MCPH1: variants seen among roughly 807,000 people sequenced by gnomAD.
MCPH1 encodes the protein microcephalin.
MCPH1 carries 104 observed loss-of-function variants against 84.5 expected under a neutral mutation model. The observed-to-expected ratio is 1.23, with a 90% CI of 1.05 to 1.45. MCPH1 has a LOEUF of 1.45. Ranked by LOEUF, MCPH1 falls within the 40% of genes most tolerant of loss-of-function variation. MCPH1 has a pLI of 0.00. For synonymous variants in MCPH1, 514 were observed against 366.8 expected (o/e 1.40, Z -4.58); for missense variants, 1,498 against 1,005.7 (o/e 1.49, Z -6.62).
chr8:6,431,472 T>G (rs376596127), intron 3 of MCPH1, 27 bp from the exon 4 acceptor site: 16 of 1,569,522 alleles, frequency 1.0e-5, no homozygotes, highest in Non-Finnish European at 1.3e-5. Context: ...CAAATACTCA[T>G]TAGACTACCT....
chr8:6,445,482 T>C lies in MCPH1; in HGVS notation c.1760T>C (p.Ile587Thr), dbSNP rs1804203856. 2 of 1,614,040 alleles carry C rather than the reference T, an allele frequency of 1.2e-6. No individual in the cohort carries two copies. The highest frequency in any genetic ancestry group is 1.7e-6 in the Non-Finnish European group (2 of 1,180,024). Residue 587 changes from isoleucine (I) to threonine (T), a missense_variant, in exon 8 of 14, where the codon ATA becomes ACA. Ile to Thr is a moderately conservative substitution (Grantham distance 89). Transcript: ENST00000344683. ...CAGAGTGAACATGAGCCATGTTTTA[T>C]AGTTGACTGTAACATGGAGACGTCT... is the stretch of plus-strand genomic sequence containing the variant. Reference protein sequence around the residue: ...EAQSEHEPCFIVDCNMETSTE... With the variant: ...EAQSEHEPCFTVDCNMETSTE...
chr8:6,579,911 G>A (rs572784273), intron 12 of MCPH1, among the ~76,000 whole-genome samples: 15 of 152,292 alleles, frequency 9.8e-5, no homozygotes, highest in African/African-American at 3.4e-4. Flanking sequence ...GCCTGGCGAG[G>A]TGTTACTTTG....
intron 12 of MCPH1, among the ~76,000 whole-genome samples, chr8:6,526,939 A>G (rs1223137709): frequency 6.6e-6 from 1 of 152,110 alleles, no homozygotes; most frequent in Non-Finnish European, 1.5e-5. Context: ...TATTAATATA[A>G]TCATGTTTAA....
chr8:6,526,732 G>T lies in MCPH1; in HGVS notation c.2214+26803G>T, dbSNP rs2959816. Among the ~76,000 whole-genome samples, 1,362 of 152,174 alleles carry T rather than the reference G, an allele frequency of 9.0e-3. 23 individuals are homozygous for T. Among genetic ancestry groups the T allele is most frequent in the African/African-American group, 0.031 (1,267 of 41,520 alleles). Reference sequence around the variant, plus strand: ...AAAGAATTATTTAAATTGTGAAATAGGATATATTGTTATAGCCATGTTCCA... The same window carrying T: ...AAAGAATTATTTAAATTGTGAAATATGATATATTGTTATAGCCATGTTCCA... On this transcript the variant is annotated intron_variant, in intron 12 of 13. Coordinates refer to ENST00000344683, the MANE Select transcript of MCPH1 (RefSeq NM_024596.5).
intron 3 of MCPH1, among the ~76,000 whole-genome samples, chr8:6,423,185 CTTTTCTTTTT>C (rs1206855197): frequency 7.2e-5 from 8 of 110,802 alleles, no homozygotes; most frequent in East Asian, 4.8e-4. Flanking sequence ...TTTTTCTTTT[CTTTTCTTTTT>C]TTTTTTTTTT....
Position 6,444,834 on chromosome 8 carries a change from G to T in MCPH1, c.1112G>T (p.Cys371Phe), listed in dbSNP as rs372091056. ...HGSHSPPKEK[C>F]KRKRSTRRSI... The stretch of plus-strand genomic sequence containing the variant: ...TCCCATTCACCTCCGAAGGAAAAAT[G>T]CAAGAGAAAGAGGAGCACCAGGAGA... Residue 371 changes from cysteine to phenylalanine, a missense_variant, in exon 8 of 14, where the codon TGC becomes TTC. Cys to Phe is a radical substitution (Grantham distance 205). Coordinates refer to ENST00000344683, the MANE Select transcript of MCPH1 (RefSeq NM_024596.5). 2 of 1,614,154 alleles carry T rather than the reference G, an allele frequency of 1.2e-6. No individual in the cohort carries two copies. The highest frequency in any genetic ancestry group is 1.3e-5 in the African/African-American group (1 of 75,050).
chr8:6,447,245 C>T, intron 8 of MCPH1: 10 of 985,388 alleles, frequency 1.0e-5, no homozygotes, highest in Non-Finnish European at 1.2e-5. Flanking sequence ...AACCAACTCT[C>T]TTTGGGAATC....
At chr8:6,590,294 G>A (rs1828352731) in intron 12 of MCPH1, among the ~76,000 whole-genome samples, 2 of 152,224 alleles carry the variant, frequency 1.3e-5, no homozygotes, top group African/African-American at 2.4e-5. Flanking sequence ...TGAGGATGGA[G>A]TGGAGGGAAT....
chr8:6,597,705 T>G (rs1402336944), intron 12 of MCPH1, among the ~76,000 whole-genome samples: 2 of 152,182 alleles, frequency 1.3e-5, no homozygotes, highest in Non-Finnish European at 2.9e-5. Flanking sequence ...TCTTCGTCTC[T>G]GGGAACATTT....
chr8:6,622,631 C>G (rs1463072958), intron 13 of MCPH1, among the ~76,000 whole-genome samples: 1 of 152,192 alleles, frequency 6.6e-6, no homozygotes, highest in African/African-American at 2.4e-5. Context: ...GTTCTGGAGG[C>G]TGGAAGTCTA....
At position 6,592,614 on chromosome 8, in the gene MCPH1, C is replaced by CTTTTTTTTTTTTTTTTTT. The variant is rs1252024553; in HGVS notation, c.2215-28832_2215-28831insTTTTTTTTTTTTTTTTTT. On this transcript the variant is annotated intron_variant, in intron 12 of 13. Transcript: ENST00000344683. ...GTCATCTAGGCTCTCGTTTTTCTTT[C>CTTTTTTTTTTTTTTTTTT]TTTTTTTTGTTTTTTTTTTTTTTTT... 2.1e-4 allele frequency among the ~76,000 whole-genome samples: 14 copies of CTTTTTTTTTTTTTTTTTT among 65,518 alleles called. 1 individual carries two copies. The highest frequency in any genetic ancestry group is 2.4e-4 in the Non-Finnish European group (8 of 32,988). The allele number at this position is 65,518 out of a possible 152,430, so 43.0% of individuals were successfully genotyped here.
intron 12 of MCPH1, among the ~76,000 whole-genome samples, chr8:6,512,332 C>T (rs920732825): frequency 1.3e-5 from 2 of 152,172 alleles, no homozygotes; most frequent in African/African-American, 4.8e-5. Context: ...TGCTCAAGGA[C>T]TTTAACATTG....
intron 9 of MCPH1, among the ~76,000 whole-genome samples, chr8:6,459,685 G>C (rs1037329203): frequency 5.3e-5 from 8 of 152,216 alleles, no homozygotes; most frequent in Admixed American, 5.2e-4. Context: ...TGAGGAAAAT[G>C]ATTTGAAACT....
At chr8:6,433,976 A>T (rs1802262077) in intron 4 of MCPH1, among the ~76,000 whole-genome samples, 1 of 151,974 alleles carries the variant, frequency 6.6e-6, no homozygotes, top group Non-Finnish European at 1.5e-5. Flanking sequence ...CTCTGTCTGG[A>T]ACATTCTTCC....
chr8:6,420,662 C>T (rs1036095101), intron 3 of MCPH1, among the ~76,000 whole-genome samples: 3 of 152,090 alleles, frequency 2.0e-5, no homozygotes, highest in African/African-American at 7.2e-5. Flanking sequence ...AGATCTTTAT[C>T]TCTGCTGTTA....
intron 3 of MCPH1, among the ~76,000 whole-genome samples, chr8:6,430,411 G>A (rs1275856723): frequency 2.0e-5 from 3 of 152,200 alleles, no homozygotes; most frequent in East Asian, 3.8e-4. Context: ...TCACACGTTA[G>A]TGTTGTTATA....
intron 11 of MCPH1, among the ~76,000 whole-genome samples, chr8:6,493,215 C>T (rs907143730): frequency 6.6e-6 from 1 of 152,168 alleles, no homozygotes; most frequent in Admixed American, 6.5e-5. Flanking sequence ...CTGGTCATTG[C>T]TTAGCTGTAT....
chr8:6,503,814 A>G (rs1218379786), intron 12 of MCPH1, among the ~76,000 whole-genome samples: 4 of 152,212 alleles, frequency 2.6e-5, no homozygotes, highest in Non-Finnish European at 5.9e-5. Context: ...AGCTAAAGCC[A>G]GGGCAGGAGA....
At chr8:6,415,915 T>A (rs1220761270) in intron 3 of MCPH1, among the ~76,000 whole-genome samples, 1 of 152,170 alleles carries the variant, frequency 6.6e-6, no homozygotes. Context: ...TTCATAATAT[T>A]TAATCTTTCA....
Sources: allele counts gnomAD v4.1 joint callset (sites outside exome capture counted in the v4.1 genomes callset), GRCh38; gene constraint gnomAD v4.1.1; transcripts MANE v1.5; gene names NCBI Gene and HGNC (gene_info 2026-07-23, HGNC 2026-07-21).